Variants in ZZZ3 observed in about 807,000 individuals in gnomAD.
ZZZ3 encodes the protein ZZ-type zinc finger-containing protein 3.
ZZZ3 carries 22 observed loss-of-function variants against 95.2 expected under a neutral mutation model. The ratio of observed to expected loss-of-function variants is 0.23; its 90% CI spans 0.17 to 0.33. ZZZ3 has a LOEUF of 0.33. Among genes scored for constraint, ZZZ3 ranks in the 10% least tolerant of loss-of-function variants. ZZZ3 has a pLI of 1.00. For synonymous variants in ZZZ3, 335 were observed against 358.9 expected, an observed-to-expected ratio of 0.93 and a Z score of 0.75; for missense variants, 885 against 1,066.5, an observed-to-expected ratio of 0.83 and a Z score of 2.37.
chr1:77,602,224 A>C (rs1432481503), intron 5 of ZZZ3, among the ~76,000 whole-genome samples: 1 of 152,226 alleles, frequency 6.6e-6, no homozygotes, highest in Non-Finnish European at 1.5e-5. Flanking sequence ...AAAGCTATGC[A>C]CTTTAAAGAA....
rs1261461169 is a variant in ZZZ3 at position 77,582,014 on chromosome 1, C to A, written c.1757G>T (p.Arg586Ile). 1 of 1,610,072 alleles carries A rather than the reference C, an allele frequency of 6.2e-7. No individual in the cohort carries two copies. The highest frequency in any genetic ancestry group is 1.3e-5 in the African/African-American group (1 of 74,944). ...NFEREFKNRK[R>I]HTRRVKLVFD... ...AACTAGCTTAACTCTTCTAGTATGT[C>A]TTTTACGATTTTTAAATTCTCTTTC... The change falls in exon 7 of 15, where the codon AGA becomes ATA. Residue 586 changes from arginine (R) to isoleucine (I), a missense_variant. By Grantham distance (97) the Arg-to-Ile change is moderately conservative. Transcript: ENST00000370801.
At position 77,639,575 on chromosome 1, in the gene ZZZ3, G is replaced by T; in HGVS notation, c.-178C>A. 3 of 789,270 alleles carry T rather than the reference G, an allele frequency of 3.8e-6. No homozygotes were observed. Among genetic ancestry groups the T allele is most frequent in the South Asian group, 3.5e-5 (1 of 28,962 alleles). The allele number at this position is 789,270 out of a possible 1,614,324, so 48.9% of individuals were successfully genotyped here. A position where few individuals can be genotyped will look rare whatever the true frequency, so the allele number is the denominator to read the frequency against. On this transcript the variant is annotated 5_prime_UTR_variant, in exon 4 of 15. Coordinates refer to ENST00000370801, the MANE Select transcript of ZZZ3 (RefSeq NM_015534.6). ...TTCAGACTCTCTCAGCTTCAGCCATGAAGAATACTAGAACCTCCTAAATTT... is the reference window on the plus strand; with the variant it reads ...TTCAGACTCTCTCAGCTTCAGCCATTAAGAATACTAGAACCTCCTAAATTT...
At chr1:77,668,603 G>A (rs1671459235) in intron 1 of ZZZ3, among the ~76,000 whole-genome samples, 1 of 146,276 alleles carries the variant, frequency 6.8e-6, no homozygotes, top group East Asian at 2.0e-4. Context: ...TCATATGATC[G>A]CACCACTGCA....
chr1:77,661,055 CAAAAAAA>C (rs201335878), intron 1 of ZZZ3, among the ~76,000 whole-genome samples: 1 of 80,392 alleles, frequency 1.2e-5, no homozygotes, highest in Non-Finnish European at 2.8e-5. Context: ...TGCTTTAACG[CAAAAAAA>C]AAAAAAAAAA....
intron 13 of ZZZ3, 27 bp downstream of exon 13, chr1:77,568,305 T>C (rs969938391): frequency 4.7e-6 from 6 of 1,265,938 alleles, no homozygotes; most frequent in Non-Finnish European, 6.6e-6. Context: ...TAAAATGAAA[T>C]GAATCCTAAA....
At chr1:77,629,695 G>C (rs932212966) in intron 5 of ZZZ3, among the ~76,000 whole-genome samples, 3 of 152,120 alleles carry the variant, frequency 2.0e-5, no homozygotes, top group African/African-American at 7.2e-5. Context: ...AAAAAGGCAA[G>C]AATCAGTAAT....
chr1:77,576,249 T>C, intron 11 of ZZZ3, 29 bp from the exon 12 acceptor site: 1 of 1,544,348 alleles, frequency 6.5e-7, no homozygotes, highest in East Asian at 2.3e-5. Flanking sequence ...TTTTAATTGG[T>C]TCAGTGAAAA....
At chr1:77,648,533 A>C (rs1669506565) in intron 1 of ZZZ3, among the ~76,000 whole-genome samples, 1 of 152,148 alleles carries the variant, frequency 6.6e-6, no homozygotes, top group South Asian at 2.1e-4. Context: ...AAGTAGAGAT[A>C]CGTAAGTCTT....
intron 5 of ZZZ3, among the ~76,000 whole-genome samples, chr1:77,599,768 T>TA (rs1664556723): frequency 1.3e-5 from 2 of 152,030 alleles, no homozygotes; most frequent in Admixed American, 1.3e-4. Context: ...ACTAGATTTT[T>TA]AAAAAAATTA....
At chr1:77,615,413 A>C (rs1030436007) in intron 5 of ZZZ3, among the ~76,000 whole-genome samples, 3 of 152,226 alleles carry the variant, frequency 2.0e-5, no homozygotes, top group Non-Finnish European at 4.4e-5. Context: ...CAAACTTGGC[A>C]TCTAGCTTCA....
intron 1 of ZZZ3, among the ~76,000 whole-genome samples, chr1:77,659,791 G>A (rs1362868070): frequency 6.6e-6 from 1 of 151,540 alleles, no homozygotes; most frequent in Non-Finnish European, 1.5e-5. Context: ...AGAGGAGTGA[G>A]GATTGGGGGA....
chr1:77,633,690 T>C (rs550934968), intron 4 of ZZZ3, among the ~76,000 whole-genome samples: 37 of 152,326 alleles, frequency 2.4e-4, no homozygotes, highest in Admixed American at 2.2e-3. Context: ...AGATAGGTGC[T>C]ACTATCATCC....
At chr1:77,660,160 G>A (rs1194739005) in intron 1 of ZZZ3, among the ~76,000 whole-genome samples, 1 of 152,148 alleles carries the variant, frequency 6.6e-6, no homozygotes, top group East Asian at 1.9e-4. Flanking sequence ...AGGTAAAGAA[G>A]AGTATGCCTC....
intron 4 of ZZZ3, among the ~76,000 whole-genome samples, chr1:77,638,710 A>T (rs1668509299): frequency 1.3e-5 from 2 of 152,224 alleles, no homozygotes; most frequent in Admixed American, 1.3e-4. Flanking sequence ...TCATGATACC[A>T]GAATATATTC....
intron 5 of ZZZ3, among the ~76,000 whole-genome samples, chr1:77,601,625 G>T (rs1159425722): frequency 6.6e-6 from 1 of 152,154 alleles, no homozygotes; most frequent in African/African-American, 2.4e-5. Context: ...CAATTCACTG[G>T]CAGTAGGCTT....
At chr1:77,589,563 G>A (rs372901733) in intron 5 of ZZZ3, among the ~76,000 whole-genome samples, 130 of 151,772 alleles carry the variant, frequency 8.6e-4, no homozygotes, top group African/African-American at 2.9e-3. Context: ...TCAGCCTCCC[G>A]AGTAGCTAGG....
At chr1:77,642,245 G>C (rs1333781242) in intron 1 of ZZZ3, among the ~76,000 whole-genome samples, 4 of 152,140 alleles carry the variant, frequency 2.6e-5, no homozygotes, top group African/African-American at 7.2e-5. Context: ...TGGAGAAATA[G>C]ATCTACACAC....
intron 1 of ZZZ3, among the ~76,000 whole-genome samples, chr1:77,655,398 T>G (rs1034320324): frequency 5.9e-5 from 9 of 152,214 alleles, no homozygotes; most frequent in African/African-American, 2.4e-5. Flanking sequence ...TAGAATTACC[T>G]TTACTTTGAT....
intron 5 of ZZZ3, among the ~76,000 whole-genome samples, chr1:77,591,319 T>G (rs2100616414): frequency 6.6e-6 from 1 of 152,270 alleles, no homozygotes; most frequent in African/African-American, 2.4e-5. Context: ...TTCTTTTCTT[T>G]TCCTCCCTCC....
Sources: allele counts gnomAD v4.1 joint callset (sites outside exome capture counted in the v4.1 genomes callset), GRCh38; gene constraint gnomAD v4.1.1; transcripts MANE v1.5; gene names NCBI Gene and HGNC (gene_info 2026-07-23, HGNC 2026-07-21).